ACTR3: variants seen among roughly 807,000 people sequenced by gnomAD.
The protein encoded by ACTR3 is actin-related protein 3.
ACTR3 carries 12 observed loss-of-function variants against 56.8 expected under a neutral mutation model. That is an observed-to-expected ratio of 0.21 (90% confidence interval 0.14 to 0.34). ACTR3 has a LOEUF of 0.34. Ranked by LOEUF, ACTR3 falls within the 10% of genes least tolerant of loss-of-function variation. ACTR3 has a pLI of 1.00. For missense variants in ACTR3, 282 were observed against 512.5 expected (o/e 0.55, Z 4.34); for synonymous variants, 162 against 167.4 (o/e 0.97, Z 0.25).
intron 11 of ACTR3, among the ~76,000 whole-genome samples, chr2:113,956,929 A>G (rs1157483676): frequency 1.3e-5 from 2 of 152,354 alleles, no homozygotes; most frequent in South Asian, 2.1e-4. Flanking sequence ...GAGGAAGGCA[A>G]ATGATCTAGA....
rs187990912 is a variant in ACTR3, at chr2:113,894,784, A to G, written c.44+4461A>G. On this transcript the variant is annotated intron_variant, in intron 1 of 11. Transcript: ENST00000263238. ...ATTTTATAAGTGAAAAAACAGAATG[A>G]GAGAATTTAAATTACCTTTTTGATG... 9.2e-5 allele frequency among the ~76,000 whole-genome samples: 14 copies of G among 152,274 alleles called. No individual in the cohort carries two copies. In the East Asian group the frequency reaches 1.9e-3, roughly 21 times the overall value.
chr2:113,908,445 T>C (rs1679244201), intron 1 of ACTR3, among the ~76,000 whole-genome samples: 1 of 151,748 alleles, frequency 6.6e-6, no homozygotes, highest in African/African-American at 2.4e-5. Context: ...TGAAAAGCTT[T>C]TATTTTGGAG....
chr2:113,908,827 A>G (rs981798702), intron 1 of ACTR3, among the ~76,000 whole-genome samples: 1 of 152,076 alleles, frequency 6.6e-6, no homozygotes. Context: ...TGAGCCTTCA[A>G]AACCTTTTTT....
At chr2:113,902,809 A>G (rs570274218) in intron 1 of ACTR3, among the ~76,000 whole-genome samples, 1 of 152,302 alleles carries the variant, frequency 6.6e-6, no homozygotes, top group African/African-American at 2.4e-5. Flanking sequence ...CGTGTTGGCC[A>G]GGGTGGCCTC....
intron 10 of ACTR3, chr2:113,953,205 CT>C: frequency 6.6e-6 from 1 of 152,222 alleles, no homozygotes; most frequent in Non-Finnish European, 1.5e-5. Flanking sequence ...TTTTTAAGCT[CT>C]TTTTACACTT....
chr2:113,942,065 A>G, intron 7 of ACTR3, 121 bp from the exon 8 acceptor site: 5 of 800,530 alleles, frequency 6.2e-6, no homozygotes, highest in Non-Finnish European at 9.1e-6. Context: ...TTAATTTCCT[A>G]ATTTTATTTT....
At chr2:113,943,821 C>G (rs75412896) in intron 8 of ACTR3, among the ~76,000 whole-genome samples, 1 of 152,082 alleles carries the variant, frequency 6.6e-6, no homozygotes, top group Non-Finnish European at 1.5e-5. Context: ...TTAAAAGGTT[C>G]AAAAACAAAC....
chr2:113,942,152 CA>C (rs758714333), intron 7 of ACTR3, 33 bp from the exon 8 acceptor site: 3 of 1,519,470 alleles, frequency 2.0e-6, no homozygotes, highest in Admixed American at 2.5e-5. Context: ...CTATAATAAG[CA>C]AAAAAAGTTA....
intron 1 of ACTR3, chr2:113,890,529 C>T (rs1678867274): frequency 1.5e-6 from 2 of 1,357,890 alleles, no homozygotes; most frequent in African/African-American, 1.5e-5. Flanking sequence ...GGCGGGGGCG[C>T]GGGCCCGAGA....
At chr2:113,947,645 C>A (rs1267236441) in intron 8 of ACTR3, among the ~76,000 whole-genome samples, 6 of 152,082 alleles carry the variant, frequency 3.9e-5, no homozygotes, top group Non-Finnish European at 7.4e-5. Flanking sequence ...CAGAGCAAGA[C>A]CCTGTCTCAT....
rs1183096286 is a variant in ACTR3, at chr2:113,921,634, G to A, written c.225+4626G>A. Among the ~76,000 whole-genome samples the A allele has an allele frequency of 5.3e-5, 8 of 152,086 alleles. No homozygotes were observed. The East Asian group carries it at 1.5e-3, about 29-fold the overall frequency. ...GATTTAAATCTTTAATTCATTTTGAGTTGATTTTTGTATAAGGTGAGAGCT... is the reference window on the plus strand; with the variant it reads ...GATTTAAATCTTTAATTCATTTTGAATTGATTTTTGTATAAGGTGAGAGCT... On this transcript the variant is annotated intron_variant, in intron 3 of 11. Transcript: ENST00000263238.
At chr2:113,914,051 T>C (rs1394303990) in intron 2 of ACTR3, among the ~76,000 whole-genome samples, 1 of 152,202 alleles carries the variant, frequency 6.6e-6, no homozygotes, top group Admixed American at 6.5e-5. Context: ...ATTTTGAGAG[T>C]GTCACTGATT....
At chr2:113,937,926 A>C (rs1679856789) in intron 6 of ACTR3, among the ~76,000 whole-genome samples, 1 of 151,836 alleles carries the variant, frequency 6.6e-6, no homozygotes, top group Admixed American at 6.6e-5. Flanking sequence ...CTGATTACAT[A>C]TTTTTTCTCT....
chr2:113,950,143 ATG>A (rs1314063552), intron 8 of ACTR3, among the ~76,000 whole-genome samples: 1 of 152,108 alleles, frequency 6.6e-6, no homozygotes, highest in Non-Finnish European at 1.5e-5. Flanking sequence ...CCCTTGTTTC[ATG>A]TGTGTTTCTT....
chr2:113,935,439 T>G (rs1336664942), intron 6 of ACTR3, among the ~76,000 whole-genome samples: 1 of 152,248 alleles, frequency 6.6e-6, no homozygotes, highest in Non-Finnish European at 1.5e-5. Flanking sequence ...CTGGCCATTT[T>G]ATGTAAATGG....
chr2:113,944,853 A>G (rs936751012), intron 8 of ACTR3, among the ~76,000 whole-genome samples: 1 of 152,176 alleles, frequency 6.6e-6, no homozygotes, highest in Non-Finnish European at 1.5e-5. Flanking sequence ...TATTAATAGT[A>G]TGGGGCATCC....
At chr2:113,941,267 T>G (rs1291339768) in intron 7 of ACTR3, among the ~76,000 whole-genome samples, 1 of 152,214 alleles carries the variant, frequency 6.6e-6, no homozygotes, top group East Asian at 1.9e-4. Context: ...ATACTACTGA[T>G]TCAACATCTT....
chr2:113,942,167 T>C lies in ACTR3; in HGVS notation c.685-19T>C. 1.3e-6 allele frequency: 2 copies of C among 1,539,054 alleles called. No homozygotes were observed. The highest frequency in any genetic ancestry group is 1.7e-6 in the Non-Finnish European group (2 of 1,154,992). On this transcript the variant is annotated intron_variant, in intron 7 of 11. Coordinates refer to ENST00000263238, the MANE Select transcript of ACTR3 (RefSeq NM_005721.5). ...CTATAATAAGCAAAAAAAGTTACTT[T>C]TGTTTCTTTGTTTTTCAGGAGCGCT...
At chr2:113,936,967 A>G (rs1356439056) in intron 6 of ACTR3, among the ~76,000 whole-genome samples, 1 of 152,198 alleles carries the variant, frequency 6.6e-6, no homozygotes, top group Non-Finnish European at 1.5e-5. Context: ...ACCCTAATGA[A>G]TTCATTTTAA....
Sources: allele counts gnomAD v4.1 joint callset (sites outside exome capture counted in the v4.1 genomes callset), GRCh38; gene constraint gnomAD v4.1.1; transcripts MANE v1.5; gene names NCBI Gene and HGNC (gene_info 2026-07-23, HGNC 2026-07-21).